NLGN1: variants seen among roughly 807,000 people sequenced by gnomAD.
NLGN1 encodes neuroligin 1.
NLGN1 carries 12 observed loss-of-function variants against 65.5 expected under a neutral mutation model. That is an observed-to-expected ratio of 0.18 (90% confidence interval 0.12 to 0.30). The LOEUF (loss-of-function observed/expected upper bound fraction) is 0.30. Among genes scored for constraint, NLGN1 ranks in the 10% least tolerant of loss-of-function variants. The pLI is 1.00. For synonymous variants in NLGN1, 350 were observed against 359.5 expected (o/e 0.97, Z 0.30); for missense variants, 750 against 1,007.1 (o/e 0.74, Z 3.46).
chr3:174,069,727 G>A (rs1475422905), intron 4 of NLGN1, among the ~76,000 whole-genome samples: 1 of 152,090 alleles, frequency 6.6e-6, no homozygotes, highest in Non-Finnish European at 1.5e-5. Flanking sequence ...AAGAAGATGA[G>A]GAAATCATCT....
chr3:174,169,699 G>A (rs1029454509), intron 4 of NLGN1, among the ~76,000 whole-genome samples: 21 of 152,042 alleles, frequency 1.4e-4, no homozygotes, highest in African/African-American at 4.8e-4. Context: ...ACCCAGCAAT[G>A]GCACACGCAG....
At chr3:173,981,779 A>G (rs963616003) in intron 4 of NLGN1, among the ~76,000 whole-genome samples, 1 of 152,148 alleles carries the variant, frequency 6.6e-6, no homozygotes, top group Non-Finnish European at 1.5e-5. Context: ...TATTCTAACA[A>G]TAACACACAT....
chr3:173,594,545 C>T (rs1047968304), intron 2 of NLGN1, among the ~76,000 whole-genome samples: 1 of 152,190 alleles, frequency 6.6e-6, no homozygotes, highest in African/African-American at 2.4e-5. Flanking sequence ...GTGGCTTTTT[C>T]AGGTGAATGG....
chr3:174,205,150 C>T (rs185806766), intron 4 of NLGN1, among the ~76,000 whole-genome samples: 367 of 152,160 alleles, frequency 2.4e-3, no homozygotes, highest in South Asian at 5.2e-3. Context: ...TCTTAAATAA[C>T]ATGAAAATAC....
intron 3 of NLGN1, among the ~76,000 whole-genome samples, chr3:173,778,766 T>C (rs1004216525): frequency 8.6e-5 from 13 of 151,856 alleles, no homozygotes; most frequent in Admixed American, 6.6e-4. Flanking sequence ...TTTTTTTCAG[T>C]AAGTAAATTA....
At chr3:174,010,194 A>C (rs549550365) in intron 4 of NLGN1, among the ~76,000 whole-genome samples, 1 of 152,250 alleles carries the variant, frequency 6.6e-6, no homozygotes, top group South Asian at 2.1e-4. Flanking sequence ...CTGAAGACAA[A>C]CTCTATAATG....
intron 3 of NLGN1, among the ~76,000 whole-genome samples, chr3:173,750,616 T>G (rs1262599578): frequency 1.3e-5 from 2 of 152,230 alleles, no homozygotes; most frequent in African/African-American, 4.8e-5. Flanking sequence ...CTATTGAGAA[T>G]TCAGAATGCA....
chr3:174,155,011 G>A (rs9868901), intron 4 of NLGN1, among the ~76,000 whole-genome samples: 1,234 of 74,162 alleles, frequency 0.017, 22 homozygotes, highest in African/African-American at 0.088. Context: ...TTTATATATT[G>A]ATATAAATAT....
chr3:173,445,254 C>A (rs1446133792), intron 2 of NLGN1, among the ~76,000 whole-genome samples: 2 of 115,524 alleles, frequency 1.7e-5, no homozygotes, highest in Admixed American at 1.1e-4. Flanking sequence ...GGCGACAGAG[C>A]GAGACTCCGT....
At chr3:173,705,598 T>C (rs1464354905) in intron 3 of NLGN1, among the ~76,000 whole-genome samples, 13 of 152,176 alleles carry the variant, frequency 8.5e-5, no homozygotes, top group Admixed American at 8.5e-4. Context: ...GGACTATTCC[T>C]TTTTATGGAA....
chr3:173,567,391 G>T (rs1743859721), intron 2 of NLGN1, among the ~76,000 whole-genome samples: 1 of 151,848 alleles, frequency 6.6e-6, no homozygotes, highest in African/African-American at 2.4e-5. Flanking sequence ...GAAATATTTT[G>T]TAGTTTTTTA....
At chr3:174,275,573 C>A in intron 5 of NLGN1, 46 bp downstream of exon 5, 1 of 1,126,246 alleles carries the variant, frequency 8.9e-7, no homozygotes, top group Non-Finnish European at 1.3e-6. Context: ...TGTCTGCATG[C>A]CACCACCATC....
At chr3:174,076,470 GGGACTCA>G (rs1174497490) in intron 4 of NLGN1, among the ~76,000 whole-genome samples, 1 of 151,988 alleles carries the variant, frequency 6.6e-6, no homozygotes, top group Admixed American at 6.6e-5. Context: ...CTGGATTCTG[GGGACTCA>G]GGATGCGTCT....
At position 173,445,130 on chromosome 3, in the gene NLGN1, T is replaced by C. The variant is rs542564618; in HGVS notation, c.-321+10052T>C. Among the ~76,000 whole-genome samples, 102 of 150,178 alleles carry C rather than the reference T, an allele frequency of 6.8e-4. 1 individual carries two copies. The South Asian group carries it at 0.021, about 31-fold the overall frequency. ...AAAAATACAAAAAATTAGCCGGGCG[T>C]AGTGGCGGGCGCCTGTAGTCCCAGC... On this transcript the variant is annotated intron_variant, in intron 2 of 6. Transcript: ENST00000457714.
At chr3:174,016,667 A>G (rs1726619655) in intron 4 of NLGN1, among the ~76,000 whole-genome samples, 1 of 152,188 alleles carries the variant, frequency 6.6e-6, no homozygotes, top group South Asian at 2.1e-4. Flanking sequence ...TTGGTGCAAA[A>G]GTAATTGCAG....
chr3:173,925,656 C>G (rs1033531410), intron 4 of NLGN1, among the ~76,000 whole-genome samples: 12 of 152,118 alleles, frequency 7.9e-5, no homozygotes, highest in South Asian at 2.1e-4. Context: ...GGCCAGGGAG[C>G]CTGTCTGCAG....
chr3:173,707,106 A>G (rs182285467), intron 3 of NLGN1, among the ~76,000 whole-genome samples: 227 of 152,322 alleles, frequency 1.5e-3, no homozygotes, highest in Middle Eastern at 6.8e-3. Flanking sequence ...TTCAGGATTC[A>G]TAGATAAGGT....
At chr3:173,828,501 G>A (rs540414780) in intron 4 of NLGN1, among the ~76,000 whole-genome samples, 40 of 152,046 alleles carry the variant, frequency 2.6e-4, no homozygotes, top group Admixed American at 5.2e-4. Context: ...TCTAGGTATT[G>A]GACACAGAGC....
chr3:173,405,373 T>C (rs1244993927), intron 1 of NLGN1, among the ~76,000 whole-genome samples: 1 of 151,660 alleles, frequency 6.6e-6, no homozygotes, highest in Non-Finnish European at 1.5e-5. Context: ...ATAAGAAGAA[T>C]ACCAACAATT....
Sources: allele counts gnomAD v4.1 joint callset (sites outside exome capture counted in the v4.1 genomes callset), GRCh38; gene constraint gnomAD v4.1.1; transcripts MANE v1.5; gene names NCBI Gene and HGNC (gene_info 2026-07-23, HGNC 2026-07-21).